Variants in HCN1 observed in about 807,000 individuals in gnomAD.
The protein encoded by HCN1 is potassium/sodium hyperpolarization-activated cyclic nucleotide-gated channel 1.
Under a neutral mutation model 78.9 loss-of-function variants are expected in HCN1, and 13 were observed. The ratio of observed to expected loss-of-function variants is 0.16; its 90% CI spans 0.11 to 0.26. HCN1 has a LOEUF of 0.26. Ranked by LOEUF, HCN1 falls within the 10% of genes least tolerant of loss-of-function variation. The probability of loss-of-function intolerance (pLI) is 1.00; values close to 1 mark genes in which losing one functional copy is unlikely to be tolerated. For synonymous variants in HCN1, 552 were observed against 455.5 expected, an observed-to-expected ratio of 1.21 and a Z score of -2.70; for missense variants, 810 against 1,154.3, an observed-to-expected ratio of 0.70 and a Z score of 4.32.
rs560820254 is a variant in HCN1, at chr5:45,587,700, A to G, written c.849+57485T>C. Among the ~76,000 whole-genome samples the G allele has an allele frequency of 2.0e-5, 3 of 151,726 alleles. No homozygotes were observed. The South Asian group carries it at 6.2e-4, about 31-fold the overall frequency. ...GTACCCTAGAACTTAAAGTATAATA[A>G]AAAAAGAAAGAAATATTAACACCAT... On this transcript the variant is annotated intron_variant, in intron 2 of 7. Transcript: ENST00000303230.
At chr5:45,386,543 T>G (rs77735942) in intron 4 of HCN1, among the ~76,000 whole-genome samples, 1 of 152,270 alleles carries the variant, frequency 6.6e-6, no homozygotes. Context: ...CATCTACTTA[T>G]ACTGTGTTGC....
chr5:45,272,005 A>T (rs1339684866), intron 6 of HCN1, among the ~76,000 whole-genome samples: 3 of 152,240 alleles, frequency 2.0e-5, no homozygotes, highest in South Asian at 2.1e-4. Flanking sequence ...ACTTAAAATA[A>T]TCTCTTCTTT....
chr5:45,340,346 T>C (rs1262345790), intron 5 of HCN1, among the ~76,000 whole-genome samples: 1 of 152,208 alleles, frequency 6.6e-6, no homozygotes, highest in Non-Finnish European at 1.5e-5. Flanking sequence ...CTAGGGTTCA[T>C]TTTTATTCTC....
intron 2 of HCN1, among the ~76,000 whole-genome samples, chr5:45,464,315 A>T (rs1057392385): frequency 6.6e-6 from 1 of 152,084 alleles, no homozygotes; most frequent in Non-Finnish European, 1.5e-5. Flanking sequence ...ATTTTCATGA[A>T]CTATTATAAG....
intron 2 of HCN1, among the ~76,000 whole-genome samples, chr5:45,526,819 T>A (rs752629506): frequency 4.6e-5 from 7 of 152,024 alleles, no homozygotes; most frequent in Admixed American, 2.0e-4. Flanking sequence ...TAGGTTCTGG[T>A]CTGTTCTGAG....
intron 5 of HCN1, among the ~76,000 whole-genome samples, chr5:45,347,776 T>C (rs1428329841): frequency 1.3e-5 from 2 of 151,796 alleles, no homozygotes; most frequent in African/African-American, 2.4e-5. Flanking sequence ...TGATGGAAGA[T>C]GAAATGAATG....
chr5:45,492,947 A>G (rs1741922103), intron 2 of HCN1, among the ~76,000 whole-genome samples: 2 of 152,140 alleles, frequency 1.3e-5, no homozygotes, highest in Non-Finnish European at 2.9e-5. Flanking sequence ...TGGGACCTTC[A>G]TACAATTTAA....
chr5:45,457,438 A>C (rs754887440), intron 3 of HCN1, among the ~76,000 whole-genome samples: 3 of 152,152 alleles, frequency 2.0e-5, no homozygotes, highest in Non-Finnish European at 4.4e-5. Flanking sequence ...GCTATATCCA[A>C]GATTTTCATT....
At chr5:45,495,964 G>A (rs532697576) in intron 2 of HCN1, among the ~76,000 whole-genome samples, 115 of 152,282 alleles carry the variant, frequency 7.6e-4, no homozygotes, top group Middle Eastern at 3.4e-3. Context: ...CTTGATCATG[G>A]TGGATAAGCT....
rs1234991481 is a variant in HCN1, at chr5:45,371,949, T to A, written c.1231-18703A>T. ...ACATTATATTATATATAATATATAATATAATATAATTATATATTATATTAT... is the reference window on the plus strand; with the variant it reads ...ACATTATATTATATATAATATATAAAATAATATAATTATATATTATATTAT... On this transcript the variant is annotated intron_variant, in intron 4 of 7. Transcript: ENST00000303230. Among the ~76,000 whole-genome samples, 80 of 97,436 alleles carry A rather than the reference T, an allele frequency of 8.2e-4. 1 individual carries two copies. Among genetic ancestry groups the A allele is most frequent in the African/African-American group, 3.0e-3 (76 of 24,962 alleles). 63.9% of individuals were successfully genotyped at this position (97,436 alleles called of 152,430 possible). A position where few individuals can be genotyped will look rare whatever the true frequency, so the allele number is the denominator to read the frequency against.
intron 5 of HCN1, among the ~76,000 whole-genome samples, chr5:45,341,097 T>C (rs1251267417): frequency 6.6e-6 from 1 of 152,240 alleles, no homozygotes; most frequent in African/African-American, 2.4e-5. Context: ...TTCCTGATAC[T>C]GTTTTGTAAA....
intron 5 of HCN1, among the ~76,000 whole-genome samples, chr5:45,342,569 A>G (rs1000808494): frequency 6.6e-6 from 1 of 152,160 alleles, no homozygotes; most frequent in African/African-American, 2.4e-5. Context: ...AAAATATAAA[A>G]AATTGAAGTA....
In HCN1 at chr5:45,444,915, G is replaced by A. The variant is rs527676401; in HGVS notation, c.1011+16931C>T. Among the ~76,000 whole-genome samples, 21 of 152,140 alleles carry A rather than the reference G, an allele frequency of 1.4e-4. No individual in the cohort carries two copies. The East Asian group carries it at 1.9e-3, about 14-fold the overall frequency. On this transcript the variant is annotated intron_variant, in intron 3 of 7. Transcript: ENST00000303230. ...CATTAGGGGAGGAGCCAAGATGGCC[G>A]AATAGGAACAGCTCCAGTCTACAAG...
At chr5:45,682,832 TGA>T (rs1446533185) in intron 1 of HCN1, among the ~76,000 whole-genome samples, 4 of 152,142 alleles carry the variant, frequency 2.6e-5, no homozygotes, top group African/African-American at 9.7e-5. Context: ...GAAATTTTAA[TGA>T]GATTATATTT....
chr5:45,347,447 AAGC>A (rs1199317050), intron 5 of HCN1, among the ~76,000 whole-genome samples: 47 of 152,306 alleles, frequency 3.1e-4, no homozygotes, highest in African/African-American at 1.1e-3. Flanking sequence ...AAACTCTAAA[AAGC>A]AGAGCACCTC....
chr5:45,331,307 ATAATT>A (rs1230495584), intron 5 of HCN1, among the ~76,000 whole-genome samples: 3 of 151,268 alleles, frequency 2.0e-5, no homozygotes, highest in Non-Finnish European at 4.4e-5. Flanking sequence ...ATCATAAAGC[ATAATT>A]TAATACACCA....
rs1744646255 is a variant in HCN1, at chr5:45,257,638, T to C, written c.*4283A>G. 1 of 152,128 alleles carries C rather than the reference T, an allele frequency of 6.6e-6. No homozygotes were observed. Among genetic ancestry groups the C allele is most frequent in the Non-Finnish European group, 1.5e-5 (1 of 68,040 alleles). 9.4% of individuals were successfully genotyped at this position (152,128 alleles called of 1,614,324 possible). A position where few individuals can be genotyped will look rare whatever the true frequency, so the allele number is the denominator to read the frequency against. ...TTAGGGTGAGACAAGAGATGCAGGG[T>C]TGTGCAAGTGCAGGGTTGTTAAAAA... On this transcript the variant is annotated 3_prime_UTR_variant, in exon 8 of 8. Coordinates refer to ENST00000303230, the MANE Select transcript of HCN1 (RefSeq NM_021072.4).
intron 3 of HCN1, among the ~76,000 whole-genome samples, chr5:45,399,288 T>C (rs769208080): frequency 5.9e-5 from 9 of 152,186 alleles, no homozygotes; most frequent in Non-Finnish European, 1.0e-4. Flanking sequence ...GCTAGGCCAA[T>C]TGCATGTCTC....
chr5:45,610,040 G>A (rs1418698823), intron 2 of HCN1, among the ~76,000 whole-genome samples: 4 of 152,274 alleles, frequency 2.6e-5, no homozygotes, highest in Non-Finnish European at 4.4e-5. Flanking sequence ...GCATCCCGCA[G>A]AAGATAGTAA....
Sources: allele counts gnomAD v4.1 joint callset (sites outside exome capture counted in the v4.1 genomes callset), GRCh38; gene constraint gnomAD v4.1.1; transcripts MANE v1.5; gene names NCBI Gene and HGNC (gene_info 2026-07-23, HGNC 2026-07-21).